The following PHLDB2 variants were observed in gnomAD, a reference collection of about 807,000 sequenced individuals.
PHLDB2 encodes pleckstrin homology like domain family B member 2.
A neutral mutation model predicts 123.6 loss-of-function variants in PHLDB2; 71 were observed. That is an observed-to-expected ratio of 0.57 (90% CI 0.47 to 0.70). The LOEUF (loss-of-function observed/expected upper bound fraction) is 0.70. PHLDB2 is among the 30% of genes least tolerant of loss of function. PHLDB2 has a pLI of 0.00. For missense variants in PHLDB2, 1,446 were observed against 1,519.5 expected, an observed-to-expected ratio of 0.95 and a Z score of 0.80; for synonymous variants, 547 against 541.6, an observed-to-expected ratio of 1.01 and a Z score of -0.14.
chr3:111,971,404 G>A (rs2072171497), intron 16 of PHLDB2, among the ~76,000 whole-genome samples: 1 of 151,788 alleles, frequency 6.6e-6, no homozygotes, highest in African/African-American at 2.4e-5. Context: ...ATGTAAATGT[G>A]TCTTTGCAAA....
intron 1 of PHLDB2, among the ~76,000 whole-genome samples, chr3:111,827,500 C>T (rs1279168001): frequency 6.6e-6 from 1 of 151,992 alleles, no homozygotes; most frequent in Admixed American, 6.6e-5. Flanking sequence ...ACGGTGAAAC[C>T]CCATCTCTAC....
At chr3:111,822,293 GTA>G (rs144033793) in intron 1 of PHLDB2, among the ~76,000 whole-genome samples, 299 of 99,512 alleles carry the variant, frequency 3.0e-3, no homozygotes, top group African/African-American at 1.0e-2. Flanking sequence ...CTATCTTTAT[GTA>G]TGTGTGTGTG....
chr3:111,739,597 C>CA (rs576933911), intron 1 of PHLDB2, among the ~76,000 whole-genome samples: 1 of 107,472 alleles, frequency 9.3e-6, no homozygotes, highest in African/African-American at 2.9e-5. Flanking sequence ...ACAAAACAAA[C>CA]AAAAAAAAAA....
At chr3:111,841,988 G>T (rs532726944) in intron 1 of PHLDB2, among the ~76,000 whole-genome samples, 1 of 152,268 alleles carries the variant, frequency 6.6e-6, no homozygotes, top group East Asian at 1.9e-4. Context: ...CACAGATCTA[G>T]GTCTGCATTT....
chr3:111,873,497 T>C lies in PHLDB2; in HGVS notation c.-14-10567T>C, dbSNP rs868050980. 2.6e-5 allele frequency among the ~76,000 whole-genome samples: 4 copies of C among 152,330 alleles called. No individual in the cohort carries two copies. The Middle Eastern group carries it at 0.014, about 518-fold the overall frequency. Reference sequence around the variant, plus strand: ...TCTAAAAAATAACATCAGTGTCTTATACTGCTGAGTCAAAAGCCAAACCTT... The same window carrying C: ...TCTAAAAAATAACATCAGTGTCTTACACTGCTGAGTCAAAAGCCAAACCTT... On this transcript the variant is annotated intron_variant, in intron 1 of 17. Transcript: ENST00000431670.
chr3:111,789,446 GCTATAAGTACATT>G (rs1218542096), intron 1 of PHLDB2, among the ~76,000 whole-genome samples: 1 of 152,100 alleles, frequency 6.6e-6, no homozygotes, highest in African/African-American at 2.4e-5. Context: ...AAATGGTTTT[GCTATAAGTACATT>G]CTCCGTTTAA....
chr3:111,849,374 T>C (rs1320903511), intron 2 of PHLDB2, among the ~76,000 whole-genome samples: 1 of 152,172 alleles, frequency 6.6e-6, no homozygotes, highest in Non-Finnish European at 1.5e-5. Flanking sequence ...TTTTGCTATG[T>C]TGTCTAGGCT....
chr3:111,837,352 C>T (rs2063462799), intron 1 of PHLDB2, among the ~76,000 whole-genome samples: 1 of 152,098 alleles, frequency 6.6e-6, no homozygotes, highest in Non-Finnish European at 1.5e-5. Flanking sequence ...CCTGAGTTGC[C>T]TAACATCAAA....
chr3:111,932,724 C>T (rs1376449760), intron 6 of PHLDB2, among the ~76,000 whole-genome samples: 1 of 152,180 alleles, frequency 6.6e-6, no homozygotes, highest in African/African-American at 2.4e-5. Flanking sequence ...TCTTCCCCTG[C>T]ATTCTCTGCT....
At chr3:111,864,521 C>G (rs929374483) in intron 1 of PHLDB2, among the ~76,000 whole-genome samples, 1 of 152,046 alleles carries the variant, frequency 6.6e-6, no homozygotes, top group African/African-American at 2.4e-5. Flanking sequence ...TTAGACATTG[C>G]AGAAAAGGAG....
At chr3:111,757,635 G>A (rs1235174475) in intron 1 of PHLDB2, among the ~76,000 whole-genome samples, 1 of 152,218 alleles carries the variant, frequency 6.6e-6, no homozygotes, top group Non-Finnish European at 1.5e-5. Context: ...TTCCTCTGGA[G>A]GAGGAGAGGC....
At chr3:111,861,568 T>C (rs1034167822) in intron 1 of PHLDB2, among the ~76,000 whole-genome samples, 5 of 152,198 alleles carry the variant, frequency 3.3e-5, no homozygotes, top group African/African-American at 9.7e-5. Flanking sequence ...TTTGCAGGCC[T>C]CAATCTGTTT....
At chr3:111,857,457 A>AT, upstream of PHLDB2, among the ~76,000 whole-genome samples, 1 of 63,956 alleles carries the variant, frequency 1.6e-5, no homozygotes, top group Non-Finnish European at 4.0e-5. Flanking sequence ...TCTCAAAAAA[A>AT]AAAAAAAGAA....
intron 1 of PHLDB2, among the ~76,000 whole-genome samples, chr3:111,736,608 A>T (rs1276732663): frequency 6.6e-6 from 1 of 152,186 alleles, no homozygotes; most frequent in Non-Finnish European, 1.5e-5. Context: ...AAATGGTAGG[A>T]ATGGGGCCTA....
chr3:111,816,288 A>G (rs531912285), intron 1 of PHLDB2, among the ~76,000 whole-genome samples: 3 of 152,264 alleles, frequency 2.0e-5, no homozygotes, highest in Admixed American at 2.0e-4. Flanking sequence ...AGAATGGTAG[A>G]TCCACTGACA....
chr3:111,881,112 C>G (rs1014634235), intron 1 of PHLDB2, among the ~76,000 whole-genome samples: 2 of 152,190 alleles, frequency 1.3e-5, no homozygotes, highest in African/African-American at 4.8e-5. Flanking sequence ...AGTTATCTCA[C>G]AAAAAGTATA....
intron 5 of PHLDB2, among the ~76,000 whole-genome samples, chr3:111,929,682 A>G (rs999173177): frequency 3.3e-5 from 5 of 151,978 alleles, no homozygotes; most frequent in African/African-American, 1.2e-4. Flanking sequence ...AGCCAGGCCC[A>G]CCTGCCACTG....
At chr3:111,739,593 CAAACAA>C (rs1488043012) in intron 1 of PHLDB2, among the ~76,000 whole-genome samples, 13 of 115,874 alleles carry the variant, frequency 1.1e-4, no homozygotes, top group Middle Eastern at 4.4e-3. Context: ...AAAAACAAAA[CAAACAA>C]AAAAAAAAAA....
rs899512192 is a variant in PHLDB2, at chr3:111,859,538, C to T, written c.-53C>T. 9.1e-6 allele frequency: 9 copies of T among 985,478 alleles called. No individual in the cohort carries two copies. The African/African-American group carries it at 1.0e-4, about 11-fold the overall frequency. The allele number at this position is 985,478 out of a possible 1,614,324, so 61.0% of individuals were successfully genotyped here. The stretch of plus-strand genomic sequence containing the variant: ...GGCGTGGCGCAAGGAGCGCGCCTGC[C>T]TTCTCTCGCCGCCGGGAACGGGCTG... On this transcript the variant is annotated 5_prime_UTR_variant, in exon 1 of 18. Coordinates refer to ENST00000431670, the MANE Select transcript of PHLDB2 (RefSeq NM_001134438.2).
Sources: gnomAD v4.1 joint callset for allele counts (sites outside exome capture counted in the v4.1 genomes callset) on GRCh38, gnomAD v4.1.1 for gene constraint, MANE v1.5 for transcripts, NCBI Gene and HGNC (gene_info 2026-07-23, HGNC 2026-07-21) for gene names.